AGFG1: variants seen among roughly 807,000 people sequenced by gnomAD.
The protein encoded by AGFG1 is ArfGAP with FG repeats 1, also known as arf-GAP domain and FG repeat-containing protein 1.
AGFG1 carries 10 observed loss-of-function variants against 60.6 expected under a neutral mutation model. The ratio of observed to expected loss-of-function variants is 0.16; its 90% CI spans 0.10 to 0.28. The LOEUF is 0.28. Ranked by LOEUF, AGFG1 falls within the 10% of genes least tolerant of loss-of-function variation. The pLI is 1.00. For synonymous variants in AGFG1, 247 were observed against 242.9 expected (o/e 1.02, Z -0.16); for missense variants, 537 against 676.5 (o/e 0.79, Z 2.29).
At chr2:227,528,672 T>G (rs941481016) in intron 5 of AGFG1, among the ~76,000 whole-genome samples, 44 of 152,350 alleles carry the variant, frequency 2.9e-4, no homozygotes, top group African/African-American at 1.0e-3. Flanking sequence ...TCCCTTTGTT[T>G]TTCTCTCTTT....
intron 10 of AGFG1, among the ~76,000 whole-genome samples, chr2:227,542,472 C>T (rs1191711789): frequency 6.6e-6 from 1 of 152,160 alleles, no homozygotes; most frequent in African/African-American, 2.4e-5. Context: ...TATTGATTTG[C>T]ATATGTTGAA....
chr2:227,482,335 T>G (rs1029441335), intron 1 of AGFG1, among the ~76,000 whole-genome samples: 8 of 152,208 alleles, frequency 5.3e-5, no homozygotes, highest in Non-Finnish European at 1.2e-4. Flanking sequence ...TTATTATATA[T>G]AGAAAGCTAA....
At chr2:227,536,138 T>G (rs1420133126) in intron 8 of AGFG1, among the ~76,000 whole-genome samples, 1 of 152,006 alleles carries the variant, frequency 6.6e-6, no homozygotes, top group Non-Finnish European at 1.5e-5. Flanking sequence ...TCATTTACAT[T>G]AGGTATTTCT....
intron 2 of AGFG1, among the ~76,000 whole-genome samples, chr2:227,495,924 G>A (rs995886293): frequency 2.0e-5 from 3 of 150,956 alleles, no homozygotes; most frequent in African/African-American, 7.3e-5. Flanking sequence ...CCAACGTGGC[G>A]AAACTCTGTC....
intron 2 of AGFG1, among the ~76,000 whole-genome samples, chr2:227,505,538 A>G (rs1261302203): frequency 6.6e-6 from 1 of 151,862 alleles, no homozygotes; most frequent in Non-Finnish European, 1.5e-5. Context: ...AGATTGGACA[A>G]TTTCTCTCTT....
chr2:227,493,222 T>C (rs1690870264), intron 2 of AGFG1, among the ~76,000 whole-genome samples: 1 of 152,188 alleles, frequency 6.6e-6, no homozygotes, highest in East Asian at 1.9e-4. Context: ...TGCAGTATTC[T>C]ATGGTTAATT....
Position 227,558,322 on chromosome 2 carries a change from T to G in AGFG1, c.*3827T>G, listed in dbSNP as rs1317352105. ...TCTGAACAAGTTAACGTTCTTGTCT[T>G]GTATATCTAAAAAAACTTTAATCAC... On this transcript the variant is annotated 3_prime_UTR_variant, in exon 13 of 13. Transcript: ENST00000310078. 1.3e-5 allele frequency: 2 copies of G among 152,152 alleles called. No homozygotes were observed. Among genetic ancestry groups the G allele is most frequent in the South Asian group, 2.1e-4 (1 of 4,834 alleles). The allele number at this position is 152,152 out of a possible 1,614,324, so 9.4% of individuals were successfully genotyped here. A position where few individuals can be genotyped will look rare whatever the true frequency, so the allele number is the denominator to read the frequency against.
At chr2:227,483,395 A>G (rs1690526694) in intron 1 of AGFG1, among the ~76,000 whole-genome samples, 1 of 152,162 alleles carries the variant, frequency 6.6e-6, no homozygotes, top group Non-Finnish European at 1.5e-5. Context: ...TTTGGTATGC[A>G]GTTCTGTGAA....
At chr2:227,494,043 G>A (rs1334613553) in intron 2 of AGFG1, among the ~76,000 whole-genome samples, 1 of 149,564 alleles carries the variant, frequency 6.7e-6, no homozygotes, top group Non-Finnish European at 1.5e-5. Flanking sequence ...CCTTGTAAAT[G>A]CTTGTTAAGG....
rs566402842 is a variant in AGFG1 at position 227,560,468 on chromosome 2, G to A, written c.*5973G>A. The A allele has an allele frequency of 3.0e-4, 46 of 152,112 alleles. No individual in the cohort carries two copies. Among genetic ancestry groups the A allele is most frequent in the Admixed American group, 1.1e-3 (17 of 15,278 alleles). The allele number at this position is 152,112 out of a possible 1,614,324, so 9.4% of individuals were successfully genotyped here. ...TCTGAAGATATATGAAAAAGCCTAT[G>A]CTTTTAAATTAAACTGTTAAGACAG... On this transcript the variant is annotated 3_prime_UTR_variant, in exon 13 of 13. Coordinates refer to ENST00000310078, the MANE Select transcript of AGFG1 (RefSeq NM_004504.5).
rs556616070 is a variant in AGFG1, at chr2:227,558,443, G to A, written c.*3948G>A. On this transcript the variant is annotated 3_prime_UTR_variant, in exon 13 of 13. Transcript: ENST00000310078. ...AAATTAATATGGTAACTAGTGGAGC[G>A]TGCTTTAGATTGAAGACTCATCTGA... 1.2e-3 allele frequency: 181 copies of A among 151,488 alleles called. No individual in the cohort carries two copies. Among genetic ancestry groups the A allele is most frequent in the African/African-American group, 3.8e-3 (158 of 41,280 alleles). 9.4% of individuals were successfully genotyped at this position (151,488 alleles called of 1,614,324 possible). A position where few individuals can be genotyped will look rare whatever the true frequency, so the allele number is the denominator to read the frequency against.
At chr2:227,486,462 T>A (rs1352589039) in intron 1 of AGFG1, among the ~76,000 whole-genome samples, 1 of 152,224 alleles carries the variant, frequency 6.6e-6, no homozygotes, top group Non-Finnish European at 1.5e-5. Flanking sequence ...ATTAATTTCC[T>A]ACTGCCTTAT....
intron 2 of AGFG1, among the ~76,000 whole-genome samples, chr2:227,492,661 A>G (rs948992477): frequency 7.2e-5 from 11 of 152,096 alleles, no homozygotes; most frequent in African/African-American, 2.7e-4. Flanking sequence ...ATTCACAGCT[A>G]TGAAATATTT....
intron 1 of AGFG1, among the ~76,000 whole-genome samples, chr2:227,488,540 G>T (rs931959166): frequency 1.3e-5 from 2 of 152,354 alleles, no homozygotes; most frequent in East Asian, 1.9e-4. Flanking sequence ...AAAGGTTAAG[G>T]CTTGTCTGGA....
At chr2:227,475,362 C>T (rs933299894) in intron 1 of AGFG1, among the ~76,000 whole-genome samples, 3 of 152,162 alleles carry the variant, frequency 2.0e-5, no homozygotes, top group Non-Finnish European at 4.4e-5. Flanking sequence ...CATGTTCTAA[C>T]CTGACTTCAT....
chr2:227,541,947 T>A (rs1301157992), intron 10 of AGFG1, among the ~76,000 whole-genome samples: 1 of 152,214 alleles, frequency 6.6e-6, no homozygotes, highest in East Asian at 1.9e-4. Flanking sequence ...TATTTTATTC[T>A]CTTTGTAGCA....
intron 2 of AGFG1, among the ~76,000 whole-genome samples, chr2:227,493,944 T>TGG (rs1690898256): frequency 6.6e-6 from 1 of 152,186 alleles, no homozygotes; most frequent in African/African-American, 2.4e-5. Context: ...AACTAGAACC[T>TGG]AAGCTGGTAG....
intron 10 of AGFG1, among the ~76,000 whole-genome samples, chr2:227,551,730 T>A (rs986355793): frequency 6.6e-6 from 1 of 152,032 alleles, no homozygotes; most frequent in African/African-American, 2.4e-5. Context: ...GCTTTAGTAG[T>A]TAGTTTCATT....
In AGFG1 at chr2:227,537,117, A is replaced by G. The variant is rs940538929; in HGVS notation, c.1378+124A>G. 9.5e-6 allele frequency: 7 copies of G among 733,624 alleles called. No homozygotes were observed. The South Asian group carries it at 1.6e-4, about 16-fold the overall frequency. 45.4% of individuals were successfully genotyped at this position (733,624 alleles called of 1,614,324 possible). ...TGAAGTGAATGGCAATGGATAGAAG[A>G]GTTTGTCCATAAAGACAAATTCTAG... On this transcript the variant is annotated intron_variant, in intron 10 of 12. Transcript: ENST00000310078.
Sources: allele counts gnomAD v4.1 joint callset (sites outside exome capture counted in the v4.1 genomes callset), GRCh38; gene constraint gnomAD v4.1.1; transcripts MANE v1.5; gene names NCBI Gene and HGNC (gene_info 2026-07-23, HGNC 2026-07-21).